NAA11: variants seen among roughly 807,000 people sequenced by gnomAD.
NAA11 encodes N-alpha-acetyltransferase 11, NatA catalytic subunit.
A neutral mutation model predicts 16.1 loss-of-function variants in NAA11; 15 were observed. That is an observed-to-expected ratio of 0.93 (90% CI 0.62 to 1.44). NAA11 has a LOEUF of 1.44. Ranked by LOEUF, NAA11 falls within the 40% of genes most tolerant of loss-of-function variation. The pLI is 0.00. For missense variants in NAA11, 298 were observed against 291.3 expected, an observed-to-expected ratio of 1.02 and a Z score of -0.17; for synonymous variants, 122 against 112.4, an observed-to-expected ratio of 1.09 and a Z score of -0.54.
At chr4:79,308,628 A>C (rs1385893946) in intron 1 of NAA11, 1 of 152,200 alleles carries the variant, frequency 6.6e-6, no homozygotes, top group Non-Finnish European at 1.5e-5. Context: ...ACTTTTATTG[A>C]AATAAAGAAC....
intron 1 of NAA11, among the ~76,000 whole-genome samples, chr4:79,321,668 CTT>C (rs1724092014): frequency 6.6e-6 from 1 of 152,142 alleles, no homozygotes; most frequent in African/African-American, 2.4e-5. Flanking sequence ...ATACTTGAGA[CTT>C]TGTCACCAAT....
At chr4:79,322,708 C>G (rs1724133706) in intron 1 of NAA11, among the ~76,000 whole-genome samples, 1 of 152,070 alleles carries the variant, frequency 6.6e-6, no homozygotes, top group African/African-American at 2.4e-5. Context: ...GTTTTCAAGA[C>G]AGGTGTAAAT....
chr4:79,299,702 G>A (rs546419622), intron 1 of NAA11: 1 of 148,568 alleles, frequency 6.7e-6, no homozygotes, highest in East Asian at 1.9e-4. Flanking sequence ...GCATTGTTAA[G>A]CATTGTTTCC....
Position 79,325,592 on chromosome 4 carries a change from T to A in NAA11, c.286A>T (p.Arg96Trp). The change falls in exon 1 of 2, where the codon AGG becomes TGG. Residue 96 changes from arginine (R) to tryptophan (W), a missense_variant. Transcript: ENST00000286794. ...LAQKLMDQAS[R>W]AMIENFNAKY... is the part of the protein sequence containing the mutation. Reference sequence around the variant, plus strand: ...GCGTTAAAGTTCTCTATCATGGCCCTGGAGGCCTGGTCCATCAGCTTCTGG... The same window carrying A: ...GCGTTAAAGTTCTCTATCATGGCCCAGGAGGCCTGGTCCATCAGCTTCTGG... 1 of 1,614,064 alleles carries A rather than the reference T, an allele frequency of 6.2e-7. No individual in the cohort carries two copies. Among genetic ancestry groups the A allele is most frequent in the Non-Finnish European group, 8.5e-7 (1 of 1,179,950 alleles).
intron 2 of NAA11, among the ~76,000 whole-genome samples, chr4:79,236,277 T>C (rs1274981864): frequency 2.6e-5 from 4 of 152,130 alleles, no homozygotes; most frequent in Non-Finnish European, 4.4e-5. Flanking sequence ...TGCATTCCAC[T>C]GACCACAATT....
At chr4:79,292,174 C>G (rs1428677352) in intron 2 of NAA11, among the ~76,000 whole-genome samples, 2 of 152,136 alleles carry the variant, frequency 1.3e-5, no homozygotes, top group Admixed American at 6.6e-5. Flanking sequence ...TTTCCCCTAC[C>G]ACCCACTACT....
At chr4:79,292,091 A>G (rs1723099874) in intron 2 of NAA11, among the ~76,000 whole-genome samples, 1 of 152,208 alleles carries the variant, frequency 6.6e-6, no homozygotes, top group Non-Finnish European at 1.5e-5. Flanking sequence ...TGCCGCTCCA[A>G]TAAATATTTT....
chr4:79,212,764 A>G, the NAA11 span, among the ~76,000 whole-genome samples: 2 of 150,952 alleles, frequency 1.3e-5, no homozygotes, highest in Non-Finnish European at 2.9e-5. Context: ...TACTGTGCCT[A>G]GTTTATAAGT....
intron 2 of NAA11, among the ~76,000 whole-genome samples, chr4:79,244,024 C>G (rs1205334923): frequency 2.0e-5 from 3 of 152,134 alleles, no homozygotes; most frequent in African/African-American, 7.2e-5. Flanking sequence ...TTCCTTTTTC[C>G]AATGGAGTGT....
chr4:79,273,971 G>A (rs1245746942), intron 2 of NAA11, among the ~76,000 whole-genome samples: 1 of 151,944 alleles, frequency 6.6e-6, no homozygotes, highest in Non-Finnish European at 1.5e-5. Context: ...GAGCTTGTGG[G>A]GAAGCATAAG....
At chr4:79,193,150 A>G in the NAA11 span, among the ~76,000 whole-genome samples, 1 of 152,084 alleles carries the variant, frequency 6.6e-6, no homozygotes, top group Non-Finnish European at 1.5e-5. Flanking sequence ...GTAGATTGCA[A>G]AAATTTTCTC....
the NAA11 span, among the ~76,000 whole-genome samples, chr4:79,219,629 A>G: frequency 6.6e-6 from 1 of 152,172 alleles, no homozygotes; most frequent in South Asian, 2.1e-4. Flanking sequence ...AATGCCAAAC[A>G]AACTGAAAAG....
intron 1 of NAA11, among the ~76,000 whole-genome samples, chr4:79,320,009 C>T (rs529432054): frequency 3.2e-4 from 48 of 152,338 alleles, no homozygotes; most frequent in African/African-American, 1.2e-3. Context: ...CCTTACTTAA[C>T]TCAATGTTGC....
intron 2 of NAA11, among the ~76,000 whole-genome samples, chr4:79,248,999 C>CG (rs1721923957): frequency 6.6e-6 from 1 of 152,316 alleles, no homozygotes; most frequent in East Asian, 1.9e-4. Flanking sequence ...GAGCCCCCCC[C>CG]CAGTGCAGCA....
chr4:79,252,240 ATAC>A (rs1478147354), intron 2 of NAA11, among the ~76,000 whole-genome samples: 1 of 152,144 alleles, frequency 6.6e-6, no homozygotes, highest in Non-Finnish European at 1.5e-5. Context: ...GGTACGATGG[ATAC>A]TACTACAGTG....
the NAA11 span, among the ~76,000 whole-genome samples, chr4:79,220,416 G>T: frequency 1.4e-5 from 2 of 147,986 alleles, no homozygotes; most frequent in Admixed American, 1.4e-4. Flanking sequence ...CAATGGAATA[G>T]GTTTGTGTGC....
chr4:79,174,390 A>G, the NAA11 span, among the ~76,000 whole-genome samples: 1 of 152,046 alleles, frequency 6.6e-6, no homozygotes. Flanking sequence ...TCTTAGTCAT[A>G]TGTTCTCTGG....
rs111703286 is a variant in NAA11, at chr4:79,282,659, A to T, written c.*122+11346T>A. On this transcript the variant is annotated intron_variant and NMD_transcript_variant, in intron 2 of 2. Transcript: ENST00000511542. ...ACAAGGAGGAAGATAAGTTTTGCAA[A>T]TCTCAGAAGTTTTGTTTGAGGCATG... is the stretch of plus-strand genomic sequence containing the variant. Among the ~76,000 whole-genome samples, 609 of 152,214 alleles carry T rather than the reference A, an allele frequency of 4.0e-3. 2 individuals are homozygous for T. The highest frequency in any genetic ancestry group is 7.0e-3 in the Non-Finnish European group (473 of 68,000).
At chr4:79,175,176 C>T in the NAA11 span, among the ~76,000 whole-genome samples, 6 of 152,082 alleles carry the variant, frequency 3.9e-5, no homozygotes, top group South Asian at 2.1e-4. Flanking sequence ...AAAAAGAAAT[C>T]GGCCTTCTAA....
Sources: allele counts gnomAD v4.1 joint callset (sites outside exome capture counted in the v4.1 genomes callset), GRCh38; gene constraint gnomAD v4.1.1; transcripts MANE v1.5; gene names NCBI Gene and HGNC (gene_info 2026-07-23, HGNC 2026-07-21).